Variants in VCL observed in about 807,000 individuals in gnomAD.
VCL encodes the protein vinculin.
In VCL, 47 loss-of-function variants were observed where a neutral mutation model predicts 125.7. That is an observed-to-expected ratio of 0.37 (90% confidence interval 0.30 to 0.48). The LOEUF (loss-of-function observed/expected upper bound fraction) is 0.48. Among genes scored for constraint, VCL ranks in the 20% least tolerant of loss-of-function variants. VCL has a pLI of 0.99. For synonymous variants in VCL, 458 were observed against 514.6 expected, an observed-to-expected ratio of 0.89 and a Z score of 1.49; for missense variants, 1,069 against 1,455.5, an observed-to-expected ratio of 0.73 and a Z score of 4.32.
intron 19 of VCL, among the ~76,000 whole-genome samples, chr10:74,113,131 G>C (rs1204658281): frequency 6.6e-6 from 1 of 152,198 alleles, no homozygotes; most frequent in Non-Finnish European, 1.5e-5. Context: ...CTGCACTGTA[G>C]AGAAATGAAG....
intron 1 of VCL, among the ~76,000 whole-genome samples, chr10:74,025,578 C>T (rs1037869091): frequency 6.7e-6 from 1 of 148,334 alleles, no homozygotes; most frequent in South Asian, 2.1e-4. Context: ...TGCCCCACTG[C>T]AGTCCAGCCT....
intron 1 of VCL, chr10:74,027,747 G>A (rs755133442): frequency 2.6e-5 from 4 of 151,844 alleles, no homozygotes; most frequent in Non-Finnish European, 4.4e-5. Context: ...GAATTTGAAG[G>A]AATTGAGGAG....
chr10:74,077,045 T>C (rs1048617817), intron 6 of VCL: 1 of 152,616 alleles, frequency 6.6e-6, no homozygotes, highest in African/African-American at 2.4e-5. Flanking sequence ...ACAAGTGAAA[T>C]AGACCTGGTA....
intron 1 of VCL, among the ~76,000 whole-genome samples, chr10:74,040,932 C>T (rs1841082999): frequency 6.6e-6 from 1 of 152,172 alleles, no homozygotes; most frequent in Admixed American, 6.5e-5. Context: ...ACACTGCTCA[C>T]CACAGCCTTG....
At chr10:74,084,999 T>C (rs759347321) in intron 8 of VCL, among the ~76,000 whole-genome samples, 7 of 152,204 alleles carry the variant, frequency 4.6e-5, no homozygotes, top group Admixed American at 6.5e-5. Flanking sequence ...AACTTTGAAC[T>C]CCTGGGCTCA....
chr10:74,034,145 C>T (rs1371976078), intron 1 of VCL, among the ~76,000 whole-genome samples: 1 of 152,170 alleles, frequency 6.6e-6, no homozygotes, highest in Non-Finnish European at 1.5e-5. Context: ...TCGCTCTGAT[C>T]CATTCTTGCT....
At chr10:74,083,606 C>T (rs576448681) in intron 8 of VCL, 93 bp downstream of exon 8, 2 of 1,494,794 alleles carry the variant, frequency 1.3e-6, no homozygotes, top group Admixed American at 1.9e-5. Context: ...TTTGAGTTAT[C>T]TCTTTGGCTA....
intron 2 of VCL, among the ~76,000 whole-genome samples, chr10:74,062,093 C>T (rs1043984752): frequency 9.9e-5 from 15 of 151,702 alleles, no homozygotes; most frequent in African/African-American, 3.4e-4. Context: ...GAGATGGGGT[C>T]TTACTCTGTT....
intron 2 of VCL, among the ~76,000 whole-genome samples, chr10:74,066,360 A>G (rs1841570759): frequency 6.6e-6 from 1 of 152,058 alleles, no homozygotes; most frequent in Non-Finnish European, 1.5e-5. Context: ...CGCCTGGCCA[A>G]TTTTGGTATA....
chr10:74,077,444 T>C (rs1839607220), intron 6 of VCL: 1 of 181,284 alleles, frequency 5.5e-6, no homozygotes, highest in Non-Finnish European at 1.2e-5. Context: ...TTTCTATTGG[T>C]TATCAAAATA....
chr10:74,026,693 G>C (rs770580555), intron 1 of VCL, among the ~76,000 whole-genome samples: 17 of 152,170 alleles, frequency 1.1e-4, no homozygotes, highest in Non-Finnish European at 2.5e-4. Context: ...ATCTCTGAGA[G>C]AGATGTTACT....
chr10:74,053,816 G>T (rs1841349284), intron 2 of VCL, among the ~76,000 whole-genome samples: 1 of 151,886 alleles, frequency 6.6e-6, no homozygotes, highest in Non-Finnish European at 1.5e-5. Context: ...TCACTATGTT[G>T]GTAAGACTGG....
intron 1 of VCL, among the ~76,000 whole-genome samples, chr10:74,029,945 C>T (rs980323066): frequency 6.6e-6 from 1 of 152,002 alleles, no homozygotes; most frequent in Non-Finnish European, 1.5e-5. Context: ...ATGTTTGCTT[C>T]CAGTTATTTT....
intron 1 of VCL, among the ~76,000 whole-genome samples, chr10:74,009,788 T>C (rs1840396477): frequency 6.6e-6 from 1 of 151,848 alleles, no homozygotes. Context: ...TTTTGTATTT[T>C]TAGTAGAGAC....
Position 74,100,967 on chromosome 10 carries a change from C to T in VCL, c.1892C>T (p.Ala631Val). 6.2e-7 allele frequency: 1 copy of T among 1,613,998 alleles called. No homozygotes were observed. Among genetic ancestry groups the T allele is most frequent in the Middle Eastern group, 1.7e-4 (1 of 6,054 alleles). ...CTCAAGGTATTTGATGAGAGGGCAG[C>T]TAACTTTGAAAACCATTCAGGAAAG... ...NREEVFDERA[A>V]NFENHSGKLG... Residue 631 changes from alanine to valine, a missense_variant, in exon 14 of 22, where the codon GCT (alanine) becomes GTT (valine). Transcript: ENST00000211998.
At chr10:74,016,041 G>A (rs2136229954) in intron 1 of VCL, among the ~76,000 whole-genome samples, 1 of 151,986 alleles carries the variant, frequency 6.6e-6, no homozygotes, top group African/African-American at 2.4e-5. Context: ...GTGTTTCCCA[G>A]GCTGGTCTTG....
At chr10:74,096,626 G>A (rs1344900043) in intron 12 of VCL, among the ~76,000 whole-genome samples, 1 of 152,162 alleles carries the variant, frequency 6.6e-6, no homozygotes, top group African/African-American at 2.4e-5. Flanking sequence ...AAAAGAGCTT[G>A]TTCATGGCTT....
chr10:74,107,485 A>G, intron 17 of VCL, 131 bp downstream of exon 17: 1 of 1,455,106 alleles, frequency 6.9e-7, no homozygotes, highest in Non-Finnish European at 9.4e-7. Context: ...GCTTAGTGGG[A>G]GGCAGATCTC....
intron 15 of VCL, among the ~76,000 whole-genome samples, chr10:74,104,369 C>T (rs939007370): frequency 2.6e-5 from 4 of 152,196 alleles, no homozygotes; most frequent in Non-Finnish European, 4.4e-5. Flanking sequence ...AACTTATCAA[C>T]TACGTAGTTT....
Sources: gnomAD v4.1 joint callset for allele counts (sites outside exome capture counted in the v4.1 genomes callset) on GRCh38, gnomAD v4.1.1 for gene constraint, MANE v1.5 for transcripts, NCBI Gene and HGNC (gene_info 2026-07-23, HGNC 2026-07-21) for gene names.